PTPRN2: variants seen among roughly 807,000 people sequenced by gnomAD.
The protein encoded by PTPRN2 is receptor-type tyrosine-protein phosphatase N2.
In PTPRN2, 74 loss-of-function variants were observed where a neutral mutation model predicts 118.8. The observed-to-expected ratio is 0.62, with a 90% CI of 0.52 to 0.76. The LOEUF is 0.76. Ranked by LOEUF, PTPRN2 falls within the 30% of genes least tolerant of loss-of-function variation. PTPRN2 has a pLI of 0.00. For synonymous variants in PTPRN2, 641 were observed against 608.0 expected (o/e 1.05, Z -0.80); for missense variants, 1,481 against 1,394.4 (o/e 1.06, Z -0.99).
intron 2 of PTPRN2, among the ~76,000 whole-genome samples, chr7:158,462,078 G>T (rs372998098): frequency 6.6e-6 from 1 of 152,240 alleles, no homozygotes; most frequent in South Asian, 2.1e-4. Context: ...TTCCGCCCAC[G>T]CCCTGTGCTG....
intron 4 of PTPRN2, among the ~76,000 whole-genome samples, chr7:158,200,387 C>T (rs1283082421): frequency 6.6e-6 from 1 of 152,146 alleles, no homozygotes; most frequent in Non-Finnish European, 1.5e-5. Context: ...ACGCAGCCCC[C>T]GTGTGCTAAG....
chr7:158,157,185 C>T (rs562648042), intron 6 of PTPRN2, among the ~76,000 whole-genome samples: 35 of 152,374 alleles, frequency 2.3e-4, no homozygotes, highest in African/African-American at 8.2e-4. Context: ...ACCCCTGTTC[C>T]ATGTGGCTCT....
intron 7 of PTPRN2, among the ~76,000 whole-genome samples, chr7:158,137,536 G>A (rs1011374684): frequency 6.6e-6 from 1 of 152,238 alleles, no homozygotes; most frequent in Admixed American, 6.5e-5. Flanking sequence ...AGGGCCTCCT[G>A]CATCCCTCCT....
At chr7:157,799,552 C>G (rs905018368) in intron 12 of PTPRN2, among the ~76,000 whole-genome samples, 1 of 152,132 alleles carries the variant, frequency 6.6e-6, no homozygotes, top group Non-Finnish European at 1.5e-5. Flanking sequence ...GCGGGTCCCT[C>G]ATCTGACTCG....
At chr7:157,727,929 C>A (rs1799689389) in intron 12 of PTPRN2, among the ~76,000 whole-genome samples, 1 of 152,200 alleles carries the variant, frequency 6.6e-6, no homozygotes, top group South Asian at 2.1e-4. Flanking sequence ...CACCCTCCAT[C>A]CTTCCACACT....
At chr7:158,167,411 C>A (rs1390990038) in intron 5 of PTPRN2, 120 bp from the exon 6 acceptor site, 4 of 1,303,788 alleles carry the variant, frequency 3.1e-6, no homozygotes, top group Non-Finnish European at 4.1e-6. Flanking sequence ...TACAAAGATG[C>A]CCTTCGGTCT....
chr7:158,534,317 G>A (rs956382664), intron 1 of PTPRN2, among the ~76,000 whole-genome samples: 2 of 149,190 alleles, frequency 1.3e-5, no homozygotes, highest in Non-Finnish European at 3.0e-5. Context: ...CCCACGCCCC[G>A]GGCTCCGTCA....
rs531713880 is a variant in PTPRN2 at position 158,495,518 on chromosome 7, G to A, written c.113-5733C>T. Among the ~76,000 whole-genome samples, 7 of 152,166 alleles carry A rather than the reference G, an allele frequency of 4.6e-5. No individual in the cohort carries two copies. In the South Asian group the frequency reaches 1.2e-3, roughly 27 times the overall value. On this transcript the variant is annotated intron_variant, in intron 1 of 22. Coordinates refer to ENST00000389418, the MANE Select transcript of PTPRN2 (RefSeq NM_002847.5). ...GGTAAGAGTGAAGCGCCTGCCTGCT[G>A]GCAGGTGGGCATTGCCTGGGCCATA...
intron 11 of PTPRN2, among the ~76,000 whole-genome samples, chr7:158,071,282 G>T (rs369497740): frequency 8.6e-5 from 5 of 58,092 alleles, no homozygotes; most frequent in African/African-American, 2.6e-4. Flanking sequence ...AGGTGCCCGT[G>T]GTGGTGGAGG....
chr7:158,265,753 A>G (rs1797829554), intron 3 of PTPRN2, among the ~76,000 whole-genome samples: 1 of 152,178 alleles, frequency 6.6e-6, no homozygotes. Flanking sequence ...GAGCAGAGGC[A>G]CCATGAGGAC....
At chr7:158,437,442 T>C (rs1033473105) in intron 2 of PTPRN2, among the ~76,000 whole-genome samples, 13 of 152,250 alleles carry the variant, frequency 8.5e-5, no homozygotes, top group African/African-American at 3.1e-4. Context: ...TTGGTCTTGC[T>C]TCTTGACAAC....
At chr7:158,080,033 C>T (rs1172601170) in intron 11 of PTPRN2, among the ~76,000 whole-genome samples, 1 of 152,094 alleles carries the variant, frequency 6.6e-6, no homozygotes. Context: ...TCTCAGCCCC[C>T]TAAATCACCA....
At chr7:158,060,385 G>A (rs565858092) in intron 11 of PTPRN2, among the ~76,000 whole-genome samples, 1 of 152,364 alleles carries the variant, frequency 6.6e-6, no homozygotes, top group Non-Finnish European at 1.5e-5. Flanking sequence ...GCCATCACAG[G>A]TCTCACTGTC....
intron 2 of PTPRN2, among the ~76,000 whole-genome samples, chr7:158,473,824 C>T (rs532029869): frequency 1.1e-4 from 17 of 152,252 alleles, no homozygotes; most frequent in African/African-American, 3.6e-4. Flanking sequence ...CTATAAATAG[C>T]TTAAAAACCA....
At chr7:158,419,572 G>T (rs1252453441) in intron 2 of PTPRN2, among the ~76,000 whole-genome samples, 1 of 152,144 alleles carries the variant, frequency 6.6e-6, no homozygotes, top group African/African-American at 2.4e-5. Context: ...CTCTGGGAGT[G>T]TCAGCCCTGA....
chr7:157,811,270 C>CAA lies in PTPRN2; in HGVS notation c.1788+87401_1788+87402dup, dbSNP rs34148043. Among the ~76,000 whole-genome samples the CAA allele has an allele frequency of 9.5e-5, 12 of 126,632 alleles. No homozygotes were observed. In the South Asian group the frequency reaches 1.6e-3, roughly 16 times the overall value. 83.1% of individuals were successfully genotyped at this position (126,632 alleles called of 152,430 possible). A position where few individuals can be genotyped will look rare whatever the true frequency, so the allele number is the denominator to read the frequency against. On this transcript the variant is annotated intron_variant, in intron 12 of 22. Coordinates refer to ENST00000389418, the MANE Select transcript of PTPRN2 (RefSeq NM_002847.5). ...TGGATGACAGAGCGAGACTCCATCT[C>CAA]AAAAAAAAAAACCCAAAAAAATAAA...
At chr7:158,464,672 T>C (rs905794336) in intron 2 of PTPRN2, among the ~76,000 whole-genome samples, 2 of 150,326 alleles carry the variant, frequency 1.3e-5, no homozygotes, top group Non-Finnish European at 3.0e-5. Context: ...ATCACCATCA[T>C]TGCCATGCCA....
intron 12 of PTPRN2, among the ~76,000 whole-genome samples, chr7:157,886,533 A>G (rs1184012538): frequency 2.0e-5 from 3 of 152,226 alleles, no homozygotes; most frequent in Non-Finnish European, 4.4e-5. Context: ...GTCACAGGAA[A>G]GTATTGAGAA....
chr7:157,544,798 T>C (rs142687460), intron 22 of PTPRN2, among the ~76,000 whole-genome samples: 456 of 152,332 alleles, frequency 3.0e-3, no homozygotes, highest in Non-Finnish European at 4.9e-3. Flanking sequence ...CTGGCATCCC[T>C]TGTGTCTGCT....
Sources: allele counts gnomAD v4.1 joint callset (sites outside exome capture counted in the v4.1 genomes callset), GRCh38; gene constraint gnomAD v4.1.1; transcripts MANE v1.5; gene names NCBI Gene and HGNC (gene_info 2026-07-23, HGNC 2026-07-21).